The following WDR49 variants were observed in gnomAD, a reference collection of about 807,000 sequenced individuals.
WDR49 encodes the protein cilia- and flagella-associated protein 337.
Under a neutral mutation model 119.5 loss-of-function variants are expected in WDR49, and 107 were observed. That is an observed-to-expected ratio of 0.90 (90% CI 0.77 to 1.05). The LOEUF is 1.05. WDR49 is among the 50% of genes least tolerant of loss of function. The probability of loss-of-function intolerance (pLI) is 0.00; values close to 1 mark genes in which losing one functional copy is unlikely to be tolerated. For synonymous variants in WDR49, 425 were observed against 418.8 expected (o/e 1.01, Z -0.18); for missense variants, 1,240 against 1,220.5 (o/e 1.02, Z -0.24).
chr3:167,533,597 A>G (rs1752923271), intron 11 of WDR49, among the ~76,000 whole-genome samples: 1 of 151,950 alleles, frequency 6.6e-6, no homozygotes, highest in Non-Finnish European at 1.5e-5. Flanking sequence ...TATATTGAAT[A>G]CTGAATATTG....
intron 16 of WDR49, among the ~76,000 whole-genome samples, chr3:167,521,111 T>C (rs1041388743): frequency 2.0e-5 from 3 of 151,718 alleles, no homozygotes; most frequent in Admixed American, 6.6e-5. Flanking sequence ...AGTGGAAAAG[T>C]TGGTATTGCA....
At chr3:167,590,969 T>C (rs1715076177) in intron 7 of WDR49, among the ~76,000 whole-genome samples, 1 of 152,038 alleles carries the variant, frequency 6.6e-6, no homozygotes, top group South Asian at 2.1e-4. Flanking sequence ...GATTTGGGGT[T>C]TGGTTTGTTT....
Position 167,554,647 on chromosome 3 carries a change from T to A in WDR49, c.1823+3A>T, listed in dbSNP as rs929921669. On this transcript the variant is annotated splice_donor_region_variant and intron_variant, in intron 10 of 18. Transcript: ENST00000682715. ...ATTAAAATAAAAACATTCTCCTTTTTACCTTCCTATAGTTTTCCATGAGGC... is the reference window on the plus strand; with the variant it reads ...ATTAAAATAAAAACATTCTCCTTTTAACCTTCCTATAGTTTTCCATGAGGC... 5.5e-6 allele frequency: 8 copies of A among 1,464,958 alleles called. No individual in the cohort carries two copies. The highest frequency in any genetic ancestry group is 7.5e-6 in the Non-Finnish European group (8 of 1,068,334). 90.7% of individuals were successfully genotyped at this position (1,464,958 alleles called of 1,614,324 possible).
chr3:167,560,302 C>T (rs1454381364), intron 8 of WDR49, 74 bp from the exon 9 acceptor site: 15 of 1,408,268 alleles, frequency 1.1e-5, no homozygotes, highest in Non-Finnish European at 6.7e-6. Flanking sequence ...ATAAACATAT[C>T]CAGCCTGTGC....
chr3:167,612,456 T>C (rs989133320), intron 5 of WDR49, among the ~76,000 whole-genome samples: 1 of 149,352 alleles, frequency 6.7e-6, no homozygotes, highest in Non-Finnish European at 1.5e-5. Context: ...CCAAAATTAG[T>C]AGAAGAAAAG....
At chr3:167,597,993 G>T (rs1012856262) in intron 7 of WDR49, among the ~76,000 whole-genome samples, 1 of 152,106 alleles carries the variant, frequency 6.6e-6, no homozygotes, top group East Asian at 1.9e-4. Context: ...CATGATGGGG[G>T]CATGATTGTG....
chr3:167,542,096 T>TAA (rs934036760), intron 10 of WDR49, among the ~76,000 whole-genome samples: 4 of 152,118 alleles, frequency 2.6e-5, no homozygotes, highest in African/African-American at 9.6e-5. Context: ...ATCACAATCC[T>TAA]AAATACATAT....
chr3:167,640,335 A>G (rs1360834182), intron 2 of WDR49, among the ~76,000 whole-genome samples: 5 of 151,776 alleles, frequency 3.3e-5, no homozygotes, highest in Non-Finnish European at 7.4e-5. Flanking sequence ...TGATCAAGTC[A>G]TTCGAATTAT....
At chr3:167,592,603 T>C (rs1560302170) in intron 7 of WDR49, among the ~76,000 whole-genome samples, 1 of 151,970 alleles carries the variant, frequency 6.6e-6, no homozygotes, top group African/African-American at 2.4e-5. Flanking sequence ...CCCAGCTAAT[T>C]TTTGTATTTT....
At chr3:167,598,813 A>G (rs1715622640) in intron 7 of WDR49, among the ~76,000 whole-genome samples, 1 of 152,238 alleles carries the variant, frequency 6.6e-6, no homozygotes, top group Admixed American at 6.5e-5. Flanking sequence ...CCCCAAACCC[A>G]GTGATGCTGT....
At chr3:167,554,989 C>G (rs1204422898) in intron 9 of WDR49, among the ~76,000 whole-genome samples, 191 bp from the exon 10 acceptor site, 1 of 152,062 alleles carries the variant, frequency 6.6e-6, no homozygotes. Context: ...GGCACAATAA[C>G]TTTTAAAATC....
chr3:167,510,337 T>A (rs1365741922), intron 16 of WDR49, among the ~76,000 whole-genome samples: 1 of 152,206 alleles, frequency 6.6e-6, no homozygotes, highest in Admixed American at 6.5e-5. Context: ...ATCTATAATT[T>A]TCCTAGGTTA....
At chr3:167,599,836 T>G (rs1715670410) in intron 7 of WDR49, among the ~76,000 whole-genome samples, 1 of 152,142 alleles carries the variant, frequency 6.6e-6, no homozygotes, top group Non-Finnish European at 1.5e-5. Context: ...CCACAGATAG[T>G]AATATTCCAT....
At chr3:167,596,808 C>T (rs950973616) in intron 7 of WDR49, among the ~76,000 whole-genome samples, 1 of 150,870 alleles carries the variant, frequency 6.6e-6, no homozygotes, top group South Asian at 2.1e-4. Context: ...CAGCATGGCA[C>T]ATATATACAT....
At chr3:167,536,101 A>G (rs1042939165) in intron 11 of WDR49, among the ~76,000 whole-genome samples, 14 of 152,070 alleles carry the variant, frequency 9.2e-5, no homozygotes, top group African/African-American at 3.4e-4. Context: ...GGGGTGAGAG[A>G]TTGGTCAATG....
At chr3:167,545,086 A>G (rs757143794) in intron 10 of WDR49, among the ~76,000 whole-genome samples, 7 of 152,126 alleles carry the variant, frequency 4.6e-5, no homozygotes, top group Non-Finnish European at 1.5e-5. Context: ...GCCAACAAAC[A>G]TATGAAAAAA....
At chr3:167,490,183 ATACTT>A (rs1751078708) in intron 18 of WDR49, among the ~76,000 whole-genome samples, 1 of 152,150 alleles carries the variant, frequency 6.6e-6, no homozygotes. Context: ...ATTAATCAAA[ATACTT>A]TAATAGTTTT....
Position 167,536,768 on chromosome 3 carries a change from TATAA to T in WDR49, c.1954+98_1954+101del, listed in dbSNP as rs1259597737. The T allele has an allele frequency of 1.1e-3, 740 of 696,134 alleles. 15 individuals carry two copies. Among genetic ancestry groups the T allele is most frequent in the Non-Finnish European group, 1.2e-3 (620 of 525,368 alleles). 43.1% of individuals were successfully genotyped at this position (696,134 alleles called of 1,614,324 possible). A position where few individuals can be genotyped will look rare whatever the true frequency, so the allele number is the denominator to read the frequency against. On this transcript the variant is annotated intron_variant, in intron 11 of 18. Coordinates refer to ENST00000682715, the MANE Select transcript of WDR49 (RefSeq NM_001366157.1). ...ACACATACATATACATATATATATA[TATAA>T]AACAACTGAGAAAAAGCTTTTCTAA...
At chr3:167,518,675 A>G (rs1192574263) in intron 16 of WDR49, among the ~76,000 whole-genome samples, 2 of 151,158 alleles carry the variant, frequency 1.3e-5, no homozygotes, top group Admixed American at 6.6e-5. Context: ...TTTCTCCCAT[A>G]TTGTAGGTTG....
Sources: allele counts gnomAD v4.1 joint callset (sites outside exome capture counted in the v4.1 genomes callset), GRCh38; gene constraint gnomAD v4.1.1; transcripts MANE v1.5; gene names NCBI Gene and HGNC (gene_info 2026-07-23, HGNC 2026-07-21).